C13orf46: variants seen among roughly 807,000 people sequenced by gnomAD.
C13orf46 encodes uncharacterized protein C13orf46.
At chr13:113,931,063 GC>G in the C13orf46 span, among the ~76,000 whole-genome samples, 2 of 152,156 alleles carry the variant, frequency 1.3e-5, no homozygotes, top group Non-Finnish European at 2.9e-5. Flanking sequence ...GTGTGTATTT[GC>G]CCCGTGTTTC....
chr13:113,972,616 C>T (rs1156762489), intron 1 of C13orf46, among the ~76,000 whole-genome samples: 5 of 152,328 alleles, frequency 3.3e-5, no homozygotes, highest in South Asian at 4.1e-4. Context: ...CACCACCGTC[C>T]GTTCGGCACA....
the C13orf46 span, among the ~76,000 whole-genome samples, chr13:113,930,387 C>G: frequency 2.9e-5 from 3 of 103,106 alleles, no homozygotes; most frequent in African/African-American, 1.3e-4. Flanking sequence ...GGCGGGGGCG[C>G]AGGAGCACCG....
chr13:113,964,307 G>A (rs1436365825), intron 6 of C13orf46, among the ~76,000 whole-genome samples: 5 of 152,090 alleles, frequency 3.3e-5, no homozygotes, highest in Admixed American at 6.6e-5. Flanking sequence ...TAGATCCATG[G>A]GCCCCCTTCA....
chr13:113,946,265 T>C, the C13orf46 span, among the ~76,000 whole-genome samples: 1 of 152,280 alleles, frequency 6.6e-6, no homozygotes, highest in East Asian at 1.9e-4. Flanking sequence ...AAGAACTTGA[T>C]GAAAGCTCAT....
At chr13:113,967,739 A>G (rs1192487910) in intron 4 of C13orf46, among the ~76,000 whole-genome samples, 9 of 152,170 alleles carry the variant, frequency 5.9e-5, no homozygotes, top group Non-Finnish European at 1.3e-4. Context: ...GGCAATGCCC[A>G]GATCTTGGGG....
the C13orf46 span, among the ~76,000 whole-genome samples, chr13:113,932,007 CA>C: frequency 1.3e-5 from 2 of 152,026 alleles, no homozygotes; most frequent in African/African-American, 4.8e-5. Context: ...TAGATTAATT[CA>C]TTTCTGTCCT....
chr13:113,945,252 C>T, the C13orf46 span, among the ~76,000 whole-genome samples: 2 of 152,170 alleles, frequency 1.3e-5, no homozygotes, highest in African/African-American at 2.4e-5. Flanking sequence ...TCCCAGGCCA[C>T]ACCACATGGC....
At chr13:113,945,610 AAGAAAG>A in the C13orf46 span, among the ~76,000 whole-genome samples, 1 of 53,636 alleles carries the variant, frequency 1.9e-5, no homozygotes, top group African/African-American at 6.6e-5. Flanking sequence ...AGAAAGAAGA[AAGAAAG>A]AAAGAAAGAA....
Position 113,954,994 on chromosome 13 carries a change from TGGCAGAGAGGAGGAGTAGGATC to T in C13orf46, c.*1757_*1778del, listed in dbSNP as rs2052511251. On this transcript the variant is annotated 3_prime_UTR_variant, in exon 7 of 7. Coordinates refer to ENST00000636427, the MANE Select transcript of C13orf46 (RefSeq NM_001365455.2). The stretch of plus-strand genomic sequence containing the variant: ...TCTGGCGGAGACGAGGAGGAGGATC[TGGCAGAGAGGAGGAGTAGGATC>T]TGGCGGAGAGGAGGAGTAGGATCTG... 1 of 94,902 alleles carries T rather than the reference TGGCAGAGAGGAGGAGTAGGATC, an allele frequency of 1.1e-5. No individual in the cohort carries two copies. The highest frequency in any genetic ancestry group is 2.6e-5 in the Non-Finnish European group (1 of 39,190). 5.9% of individuals were successfully genotyped at this position (94,902 alleles called of 1,614,324 possible). A position where few individuals can be genotyped will look rare whatever the true frequency, so the allele number is the denominator to read the frequency against.
intron 5 of C13orf46, among the ~76,000 whole-genome samples, chr13:113,966,169 T>A (rs1330316358): frequency 1.2e-5 from 1 of 82,562 alleles, no homozygotes; most frequent in Non-Finnish European, 2.2e-5. Flanking sequence ...ATAGTGGTGA[T>A]GGTGATGATG....
chr13:113,959,234 T>C (rs1185657855), intron 6 of C13orf46, among the ~76,000 whole-genome samples: 1 of 152,136 alleles, frequency 6.6e-6, no homozygotes, highest in African/African-American at 2.4e-5. Flanking sequence ...AACACACCAC[T>C]ACACTCCAGC....
the C13orf46 span, among the ~76,000 whole-genome samples, chr13:113,936,916 A>AT: frequency 6.6e-6 from 1 of 152,144 alleles, no homozygotes; most frequent in South Asian, 2.1e-4. Flanking sequence ...GGGAAGTTGC[A>AT]TATTTTGAGC....
the C13orf46 span, among the ~76,000 whole-genome samples, chr13:113,934,824 A>G: frequency 5.9e-5 from 9 of 152,214 alleles, no homozygotes; most frequent in African/African-American, 9.6e-5. Context: ...AACGGGCCCC[A>G]CTTGGTAGGT....
At chr13:113,927,983 C>T in the C13orf46 span, 2 of 213,210 alleles carry the variant, frequency 9.4e-6, no homozygotes, top group Non-Finnish European at 1.9e-5. Context: ...GGAATGCTGC[C>T]GATCCTCTGC....
At chr13:113,963,847 G>T (rs1053454353) in intron 6 of C13orf46, among the ~76,000 whole-genome samples, 22 of 152,192 alleles carry the variant, frequency 1.4e-4, no homozygotes, top group African/African-American at 3.9e-4. Flanking sequence ...AAATGTTAAT[G>T]TAACTGTTGT....
At chr13:113,930,874 C>T in the C13orf46 span, among the ~76,000 whole-genome samples, 1 of 152,204 alleles carries the variant, frequency 6.6e-6, no homozygotes, top group African/African-American at 2.4e-5. Context: ...CGCTCCTTCT[C>T]CAGGCCGAAG....
intron 6 of C13orf46, among the ~76,000 whole-genome samples, chr13:113,957,745 AC>A (rs2052551287): frequency 5.1e-5 from 5 of 98,494 alleles, no homozygotes; most frequent in Admixed American, 2.4e-4. Context: ...CTCTGCCTGT[AC>A]CCCCTTTCAT....
At chr13:113,934,231 G>A in the C13orf46 span, among the ~76,000 whole-genome samples, 2 of 152,226 alleles carry the variant, frequency 1.3e-5, no homozygotes, top group South Asian at 2.1e-4. Context: ...CGTCGGACAC[G>A]CACCTGCTGA....
At chr13:113,973,601 C>G (rs977523773) in intron 1 of C13orf46, among the ~76,000 whole-genome samples, 4 of 152,220 alleles carry the variant, frequency 2.6e-5, no homozygotes, top group African/African-American at 9.6e-5. Context: ...TGATGCCCCA[C>G]GCCCCCCTGC....
Sources: gnomAD v4.1 joint callset for allele counts (sites outside exome capture counted in the v4.1 genomes callset) on GRCh38, gnomAD v4.1.1 for gene constraint, MANE v1.5 for transcripts, NCBI Gene and HGNC (gene_info 2026-07-23, HGNC 2026-07-21) for gene names.